The following HDHD2 variants were observed in gnomAD, a reference collection of about 807,000 sequenced individuals.
HDHD2 encodes the protein haloacid dehalogenase like hydrolase domain containing 2.
Under a neutral mutation model 24.8 loss-of-function variants are expected in HDHD2, and 26 were observed. The ratio of observed to expected loss-of-function variants is 1.05; its 90% CI spans 0.77 to 1.45. The LOEUF is 1.45. HDHD2 is among the 40% of genes most tolerant of loss of function. The probability of loss-of-function intolerance (pLI) is 0.00; values close to 1 mark genes in which losing one functional copy is unlikely to be tolerated. For synonymous variants in HDHD2, 128 were observed against 114.9 expected (o/e 1.11, Z -0.73); for missense variants, 299 against 313.4 (o/e 0.95, Z 0.35).
intron 4 of HDHD2, 56 bp from the exon 5 acceptor site, chr18:47,115,404 T>G: frequency 8.0e-7 from 1 of 1,244,408 alleles, no homozygotes; most frequent in African/African-American, 1.5e-5. Context: ...CTTTTATGAC[T>G]GGGAACGAAT....
chr18:47,143,286 C>T (rs1049483566), intron 1 of HDHD2, among the ~76,000 whole-genome samples: 6 of 152,018 alleles, frequency 3.9e-5, no homozygotes, highest in African/African-American at 1.4e-4. Flanking sequence ...ACCCCCATCT[C>T]TATAAAAAAT....
intron 4 of HDHD2, among the ~76,000 whole-genome samples, chr18:47,125,527 T>C (rs994042999): frequency 1.3e-5 from 2 of 152,182 alleles, no homozygotes; most frequent in African/African-American, 4.8e-5. Context: ...AATTGTGGAA[T>C]ATTCATATAA....
intron 6 of HDHD2, among the ~76,000 whole-genome samples, chr18:47,112,715 G>A (rs925768810): frequency 6.6e-6 from 1 of 152,108 alleles, no homozygotes; most frequent in Non-Finnish European, 1.5e-5. Context: ...GTACATCCAG[G>A]AAATAATATA....
At chr18:47,135,603 T>C (rs568912643) in intron 2 of HDHD2, among the ~76,000 whole-genome samples, 1 of 152,300 alleles carries the variant, frequency 6.6e-6, no homozygotes, top group South Asian at 2.1e-4. Context: ...ACTATGAACA[T>C]TTTAAGGTTG....
At chr18:47,110,424 T>C in intron 6 of HDHD2, 1 of 985,254 alleles carries the variant, frequency 1.0e-6, no homozygotes, top group South Asian at 4.7e-5. Context: ...TATAAACTCC[T>C]TCACAAGGTT....
At chr18:47,121,946 T>C (rs2063611141) in intron 4 of HDHD2, among the ~76,000 whole-genome samples, 1 of 152,218 alleles carries the variant, frequency 6.6e-6, no homozygotes, top group Non-Finnish European at 1.5e-5. Flanking sequence ...TTAATCTCTC[T>C]TTAAATAAAG....
chr18:47,111,052 G>A, intron 6 of HDHD2: 1 of 985,412 alleles, frequency 1.0e-6, no homozygotes, highest in South Asian at 4.7e-5. Flanking sequence ...ATTTACCAAT[G>A]AAGCTGGCTG....
intron 1 of HDHD2, among the ~76,000 whole-genome samples, chr18:47,139,809 T>A (rs1301911079): frequency 6.6e-6 from 1 of 152,180 alleles, no homozygotes; most frequent in Non-Finnish European, 1.5e-5. Flanking sequence ...CCACATATTT[T>A]GGGGTCACAG....
chr18:47,113,371 G>A (rs2063531832), intron 5 of HDHD2, among the ~76,000 whole-genome samples: 1 of 152,170 alleles, frequency 6.6e-6, no homozygotes, highest in Non-Finnish European at 1.5e-5. Flanking sequence ...ATGGAAAAAT[G>A]CATTCTATCC....
intron 1 of HDHD2, chr18:47,150,165 G>C (rs1190395531): frequency 6.6e-6 from 1 of 152,362 alleles, no homozygotes; most frequent in African/African-American, 2.4e-5. Flanking sequence ...AGCGCGCCTC[G>C]CGCCCAGCTA....
At chr18:47,146,229 CAAAAAA>C (rs61430354) in intron 1 of HDHD2, among the ~76,000 whole-genome samples, 1 of 58,946 alleles carries the variant, frequency 1.7e-5, no homozygotes, top group East Asian at 4.5e-4. Flanking sequence ...GAATGTGTCT[CAAAAAA>C]AAAAAAAAAA....
chr18:47,134,589 A>G lies in HDHD2; in HGVS notation c.217T>C (p.Phe73Leu). ...LEFDISEDEIFTSLTAARSLL... is the reference protein window; with the variant it reads ...LEFDISEDEILTSLTAARSLL... ...CTTCTGGCTGCAGTCAGAGATGTGA[A>G]TATTTCATCTTCAGAGATATCAAAT... The change falls in exon 3 of 7, where the codon TTC (phenylalanine) becomes CTC (leucine). Residue 73 changes from phenylalanine (F) to leucine (L), a missense_variant. Transcript: ENST00000300605. 6.2e-7 allele frequency: 1 copy of G among 1,614,098 alleles called. No homozygotes were observed. The highest frequency in any genetic ancestry group is 1.1e-5 in the South Asian group (1 of 91,084).
At chr18:47,128,505 G>A (rs2063681950) in intron 4 of HDHD2, among the ~76,000 whole-genome samples, 2 of 152,212 alleles carry the variant, frequency 1.3e-5, no homozygotes, top group Non-Finnish European at 2.9e-5. Flanking sequence ...AAAGGCCAAA[G>A]TAGGATAATT....
intron 1 of HDHD2, among the ~76,000 whole-genome samples, chr18:47,137,806 A>G (rs1000104515): frequency 4.6e-5 from 7 of 151,514 alleles, no homozygotes; most frequent in African/African-American, 1.7e-4. Context: ...GGGATAAATT[A>G]CTCAAAAAAA....
At chr18:47,122,205 C>A (rs1214840357) in intron 4 of HDHD2, among the ~76,000 whole-genome samples, 1 of 152,134 alleles carries the variant, frequency 6.6e-6, no homozygotes, top group African/African-American at 2.4e-5. Context: ...AGTGTCCTGA[C>A]CTATGACAAC....
At chr18:47,108,936 T>C (rs1473629487) in intron 6 of HDHD2, 151 bp from the exon 7 acceptor site, 4 of 583,066 alleles carry the variant, frequency 6.9e-6, no homozygotes, top group Non-Finnish European at 1.2e-5. Context: ...TTATTGAGGC[T>C]TCAGGATGTA....
chr18:47,111,556 T>A (rs965666209), intron 6 of HDHD2: 109 of 985,270 alleles, frequency 1.1e-4, no homozygotes, highest in Non-Finnish European at 1.3e-4. Context: ...TCATTCTTCC[T>A]CTTTTCTGCT....
At chr18:47,135,389 G>A (rs1267995785) in intron 2 of HDHD2, among the ~76,000 whole-genome samples, 1 of 151,182 alleles carries the variant, frequency 6.6e-6, no homozygotes, top group Non-Finnish European at 1.5e-5. Flanking sequence ...AGCCTCCCTA[G>A]TAGCTGGGAT....
chr18:47,135,449 C>T (rs1040980723), intron 2 of HDHD2, among the ~76,000 whole-genome samples: 5 of 151,916 alleles, frequency 3.3e-5, no homozygotes, highest in Admixed American at 6.6e-5. Flanking sequence ...TTAGTAGAGA[C>T]GGTGTTTCTC....
Sources: allele counts gnomAD v4.1 joint callset (sites outside exome capture counted in the v4.1 genomes callset), GRCh38; gene constraint gnomAD v4.1.1; transcripts MANE v1.5; gene names NCBI Gene and HGNC (gene_info 2026-07-23, HGNC 2026-07-21).